Variants in ZNF600 observed in about 807,000 individuals in gnomAD.
ZNF600 encodes zinc finger protein 600.
Under a neutral mutation model 7.3 loss-of-function variants are expected in ZNF600, and 4 were observed. The ratio of observed to expected loss-of-function variants is 0.55; its 90% CI spans 0.27 to 1.25. ZNF600 has a LOEUF of 1.25. Ranked by LOEUF, ZNF600 falls within the 50% of genes most tolerant of loss-of-function variation. ZNF600 has a pLI of 0.12. For missense variants in ZNF600, 911 were observed against 922.1 expected, an observed-to-expected ratio of 0.99 and a Z score of 0.16; for synonymous variants, 290 against 308.9, an observed-to-expected ratio of 0.94 and a Z score of 0.64.
intron 3 of ZNF600, among the ~76,000 whole-genome samples, chr19:52,771,041 C>T (rs76259909): frequency 0.04 from 6,037 of 152,202 alleles, 372 homozygotes; most frequent in African/African-American, 0.13. Context: ...CCATGTTGGT[C>T]AGGCTCGTTT....
chr19:52,806,113 T>G, the ZNF600 span: 1 of 152,116 alleles, frequency 6.6e-6, no homozygotes, highest in Admixed American at 6.6e-5. Context: ...TTAACAAAAA[T>G]GCAACATACA....
chr19:52,778,689 A>C, intron 2 of ZNF600, 137 bp downstream of exon 4: 2 of 1,214,968 alleles, frequency 1.6e-6, no homozygotes, highest in East Asian at 5.0e-5. Flanking sequence ...GCTGAGAGGA[A>C]CTAAGGGCAG....
At chr19:52,803,237 C>T in the ZNF600 span, among the ~76,000 whole-genome samples, 16 of 151,944 alleles carry the variant, frequency 1.1e-4, no homozygotes, top group East Asian at 7.8e-4. Flanking sequence ...CCACTGTGCC[C>T]GGCTAATTTT....
At chr19:52,773,699 T>C (rs184237523) in intron 3 of ZNF600, among the ~76,000 whole-genome samples, 15 of 151,958 alleles carry the variant, frequency 9.9e-5, no homozygotes, top group African/African-American at 3.4e-4. Context: ...TGAAACACTG[T>C]CTCTACTGAA....
chr19:52,798,754 A>C, the ZNF600 span: 1 of 593,940 alleles, frequency 1.7e-6, no homozygotes, highest in Non-Finnish European at 3.0e-6. Flanking sequence ...AAAATCTGTC[A>C]CATTTATTAC....
chr19:52,785,592 T>A (rs10416295), intron 1 of ZNF600, among the ~76,000 whole-genome samples: 2 of 152,012 alleles, frequency 1.3e-5, no homozygotes, highest in African/African-American at 4.8e-5. Flanking sequence ...TCTTTCAATC[T>A]TCCTCAATGT....
the ZNF600 span, among the ~76,000 whole-genome samples, chr19:52,796,752 G>A: frequency 6.6e-6 from 1 of 152,172 alleles, no homozygotes; most frequent in Non-Finnish European, 1.5e-5. Context: ...ACAGGCCTGA[G>A]CCACTGCATC....
At chr19:52,808,070 G>T in the ZNF600 span, 8 of 1,613,514 alleles carry the variant, frequency 5.0e-6, no homozygotes, top group Admixed American at 1.3e-4. Flanking sequence ...CTCTGAGCAG[G>T]GTCCAGGCAT....
chr19:52,788,775 T>G (rs1239863274), upstream of ZNF600, among the ~76,000 whole-genome samples: 6 of 152,162 alleles, frequency 3.9e-5, no homozygotes, highest in Admixed American at 2.6e-4. Flanking sequence ...TGCCTTGATG[T>G]TCAATGCTGG....
At chr19:52,792,385 C>T in the ZNF600 span, among the ~76,000 whole-genome samples, 6 of 152,070 alleles carry the variant, frequency 3.9e-5, no homozygotes, top group African/African-American at 9.7e-5. Flanking sequence ...TGCTCCCTGA[C>T]ATAGATGCAT....
upstream of ZNF600, among the ~76,000 whole-genome samples, chr19:52,787,087 G>T (rs141977765): frequency 1.7e-3 from 264 of 152,394 alleles, no homozygotes; most frequent in African/African-American, 5.1e-3. Context: ...CCACAGAACA[G>T]AACAGAAATC....
chr19:52,770,341 C>T (rs1178044265), intron 3 of ZNF600, among the ~76,000 whole-genome samples: 1 of 152,110 alleles, frequency 6.6e-6, no homozygotes, highest in Non-Finnish European at 1.5e-5. Context: ...ACTCTGGAGG[C>T]TGAAGCAAAA....
the ZNF600 span, among the ~76,000 whole-genome samples, chr19:52,792,899 A>AT: frequency 1.1e-4 from 16 of 146,886 alleles, no homozygotes; most frequent in East Asian, 2.0e-4. Flanking sequence ...CGCCCAACTA[A>AT]TTTTTTTTTT....
At chr19:52,799,930 C>T in the ZNF600 span, 7 of 1,613,934 alleles carry the variant, frequency 4.3e-6, no homozygotes, top group Non-Finnish European at 5.1e-6. Context: ...TTGCCACACT[C>T]ATTACACTTG....
exon 4 of ZNF600, chr19:52,767,690 T>C (rs1449609682): frequency 3.1e-6 from 5 of 1,613,878 alleles, no homozygotes; most frequent in African/African-American, 1.3e-5. Context: ...TTTGATATCT[T>C]TGCAATGTCC....
rs114444415 is a variant in ZNF600 at position 52,774,803 on chromosome 19, G to A, written c.64-102C>T. On this transcript the variant is annotated intron_variant, in intron 2 of 3. Coordinates refer to ENST00000648973, the Ensembl canonical transcript of ZNF600. ...AAATAAGTATTTGATCAAAGACTGT[G>A]TTCTGACAAAATGTTAAGGTATTTT... is the stretch of plus-strand genomic sequence containing the variant. 576 of 984,484 alleles carry A rather than the reference G, an allele frequency of 5.9e-4. 2 individuals are homozygous for A. The African/African-American group carries it at 9.6e-3, about 16-fold the overall frequency. 61.0% of individuals were successfully genotyped at this position (984,484 alleles called of 1,614,324 possible). A position where few individuals can be genotyped will look rare whatever the true frequency, so the allele number is the denominator to read the frequency against.
the ZNF600 span, among the ~76,000 whole-genome samples, chr19:52,831,661 C>T: frequency 6.6e-6 from 1 of 152,002 alleles, no homozygotes; most frequent in Non-Finnish European, 1.5e-5. Flanking sequence ...CGCCACCACG[C>T]CCAGCTAATT....
At chr19:52,773,319 G>C (rs1046861520) in intron 3 of ZNF600, among the ~76,000 whole-genome samples, 1 of 152,134 alleles carries the variant, frequency 6.6e-6, no homozygotes, top group African/African-American at 2.4e-5. Context: ...TTACAATATG[G>C]GCAAGGGACA....
At chr19:52,786,778 G>T in exon 1 of ZNF600, 1 of 291,482 alleles carries the variant, frequency 3.4e-6, no homozygotes, top group Non-Finnish European at 7.2e-6. Flanking sequence ...CCGGGTTTGT[G>T]CGCGCCCAGG....
Sources: allele counts gnomAD v4.1 joint callset (sites outside exome capture counted in the v4.1 genomes callset), GRCh38; gene constraint gnomAD v4.1.1; transcripts MANE v1.5; gene names NCBI Gene and HGNC (gene_info 2026-07-23, HGNC 2026-07-21).